STARD3NL: variants seen among roughly 807,000 people sequenced by gnomAD.
The protein encoded by STARD3NL is STARD3 N-terminal-like protein.
A neutral mutation model predicts 30.9 loss-of-function variants in STARD3NL; 17 were observed. That is an observed-to-expected ratio of 0.55 (90% CI 0.38 to 0.82). The LOEUF (loss-of-function observed/expected upper bound fraction) is 0.82, where lower values mean the gene tolerates loss of function less well. Ranked by LOEUF, STARD3NL falls within the 40% of genes least tolerant of loss-of-function variation. The pLI is 0.00. For missense variants in STARD3NL, 234 were observed against 277.6 expected, an observed-to-expected ratio of 0.84 and a Z score of 1.12; for synonymous variants, 112 against 100.5, an observed-to-expected ratio of 1.11 and a Z score of -0.69.
intron 1 of STARD3NL, among the ~76,000 whole-genome samples, chr7:38,184,320 A>G (rs1470795127): frequency 1.3e-5 from 2 of 152,134 alleles, no homozygotes; most frequent in Non-Finnish European, 1.5e-5. Context: ...GTGTCAGTCC[A>G]TATGTGTCGC....
intron 1 of STARD3NL, among the ~76,000 whole-genome samples, chr7:38,181,927 A>T (rs1435155003): frequency 1.3e-5 from 2 of 152,142 alleles, no homozygotes; most frequent in Admixed American, 1.3e-4. Flanking sequence ...CCAGCCAGCC[A>T]AAATTCTACC....
intron 1 of STARD3NL, among the ~76,000 whole-genome samples, chr7:38,188,365 G>A (rs1019646381): frequency 2.0e-5 from 3 of 152,102 alleles, no homozygotes; most frequent in Admixed American, 2.0e-4. Flanking sequence ...CTTCCTCCTT[G>A]TATCTACCTG....
intron 2 of STARD3NL, among the ~76,000 whole-genome samples, chr7:38,209,959 A>G (rs1785704746): frequency 6.6e-6 from 1 of 152,232 alleles, no homozygotes; most frequent in South Asian, 2.1e-4. Flanking sequence ...CTGTAAAATT[A>G]AAAGATTGGA....
chr7:38,186,533 C>T (rs74973081), intron 1 of STARD3NL, among the ~76,000 whole-genome samples: 2,782 of 152,248 alleles, frequency 0.018, 86 homozygotes, highest in African/African-American at 0.063. Context: ...CCATGTGCTG[C>T]ATAACAACAT....
intron 1 of STARD3NL, among the ~76,000 whole-genome samples, chr7:38,200,061 G>C (rs1162985010): frequency 1.3e-5 from 2 of 152,244 alleles, no homozygotes; most frequent in African/African-American, 4.8e-5. Context: ...CTCAAGACTC[G>C]AATGAAATGC....
intron 7 of STARD3NL, among the ~76,000 whole-genome samples, chr7:38,226,152 GTTT>G (rs11286474): frequency 1.0e-3 from 105 of 102,452 alleles, no homozygotes; most frequent in East Asian, 6.4e-3. Context: ...TGCCTATCTT[GTTT>G]TTTTTTTTTT....
chr7:38,200,722 TC>T (rs1219294697), intron 1 of STARD3NL, among the ~76,000 whole-genome samples: 1 of 152,114 alleles, frequency 6.6e-6, no homozygotes, highest in African/African-American at 2.4e-5. Flanking sequence ...AGCTCTCCCT[TC>T]CCACTAGTCC....
intron 2 of STARD3NL, 56 bp downstream of exon 2, chr7:38,207,785 T>A: frequency 7.3e-6 from 11 of 1,507,906 alleles, no homozygotes; most frequent in Non-Finnish European, 1.0e-5. Context: ...GACAACAGGG[T>A]TTTTTTGTTC....
intron 7 of STARD3NL, among the ~76,000 whole-genome samples, chr7:38,220,535 C>G (rs565115678): frequency 6.6e-6 from 1 of 152,128 alleles, no homozygotes; most frequent in African/African-American, 2.4e-5. Context: ...TTGTGCATTA[C>G]GGGTGAGAAT....
rs534129046 is a variant in STARD3NL, at chr7:38,207,106, C to A, written c.-58-341C>A. Among the ~76,000 whole-genome samples, 80 of 152,298 alleles carry A rather than the reference C, an allele frequency of 5.3e-4. 1 individual carries two copies. Among genetic ancestry groups the A allele is most frequent in the Middle Eastern group, 6.8e-3 (2 of 294 alleles). ...ACTTACAGGACTGTGGAGGTTTTCT[C>A]CCTGTCACAGCAAGGTAACTGAGTC... is the stretch of plus-strand genomic sequence containing the variant. On this transcript the variant is annotated intron_variant, in intron 1 of 8. Coordinates refer to ENST00000009041, the MANE Select transcript of STARD3NL (RefSeq NM_032016.4).
chr7:38,180,473 C>T (rs1784202192), intron 1 of STARD3NL, among the ~76,000 whole-genome samples: 1 of 152,216 alleles, frequency 6.6e-6, no homozygotes, highest in South Asian at 2.1e-4. Context: ...TATTGTTCTT[C>T]ATTAGAGCTT....
intron 1 of STARD3NL, among the ~76,000 whole-genome samples, chr7:38,193,296 T>TGTC (rs1784768012): frequency 6.6e-6 from 1 of 151,640 alleles, no homozygotes; most frequent in Non-Finnish European, 1.5e-5. Flanking sequence ...TTGTTGTTGT[T>TGTC]GTTGTTGTTG....
intron 1 of STARD3NL, among the ~76,000 whole-genome samples, chr7:38,194,011 G>T (rs1272406319): frequency 1.3e-5 from 2 of 151,838 alleles, no homozygotes; most frequent in Non-Finnish European, 2.9e-5. Context: ...TTCAAATATT[G>T]AAATGCCCAT....
intron 1 of STARD3NL, among the ~76,000 whole-genome samples, chr7:38,192,705 T>G (rs1216633186): frequency 6.6e-6 from 1 of 152,194 alleles, no homozygotes; most frequent in African/African-American, 2.4e-5. Flanking sequence ...TTTGCTTCTC[T>G]AAAAAATCGG....
chr7:38,188,849 T>C (rs1020501948), intron 1 of STARD3NL, among the ~76,000 whole-genome samples: 1 of 152,204 alleles, frequency 6.6e-6, no homozygotes, highest in Non-Finnish European at 1.5e-5. Flanking sequence ...ACATAGAAAT[T>C]GCGTTGCTTT....
At chr7:38,217,336 G>C (rs767167014) in intron 6 of STARD3NL, 31 bp downstream of exon 6, 1 of 1,604,846 alleles carries the variant, frequency 6.2e-7, no homozygotes, top group East Asian at 2.2e-5. Flanking sequence ...GCCTCCTGAG[G>C]CGGACTGGAT....
At chr7:38,183,841 T>C (rs905823462) in intron 1 of STARD3NL, among the ~76,000 whole-genome samples, 1 of 152,214 alleles carries the variant, frequency 6.6e-6, no homozygotes, top group Non-Finnish European at 1.5e-5. Context: ...CAGGTGGTTC[T>C]GGAACCAATT....
chr7:38,219,401 C>T (rs1357644792), intron 6 of STARD3NL, among the ~76,000 whole-genome samples, 164 bp from the exon 7 acceptor site: 2 of 152,140 alleles, frequency 1.3e-5, no homozygotes, highest in Admixed American at 6.5e-5. Context: ...TATTGTTTGT[C>T]ATTTGTTAAT....
intron 1 of STARD3NL, among the ~76,000 whole-genome samples, chr7:38,202,783 C>A (rs1469991193): frequency 7.1e-6 from 1 of 141,568 alleles, no homozygotes; most frequent in Non-Finnish European, 1.5e-5. Flanking sequence ...TCCAAGTGTT[C>A]TCATTGTTCA....
Sources: gnomAD v4.1 joint callset for allele counts (sites outside exome capture counted in the v4.1 genomes callset) on GRCh38, gnomAD v4.1.1 for gene constraint, MANE v1.5 for transcripts, NCBI Gene and HGNC (gene_info 2026-07-23, HGNC 2026-07-21) for gene names.